The following TRNP1 variants were observed in gnomAD, a reference collection of about 807,000 sequenced individuals.
The protein encoded by TRNP1 is TMF1 regulated nuclear protein 1, also known as TMF-regulated nuclear protein 1.
Under a neutral mutation model 12.2 loss-of-function variants are expected in TRNP1, and 16 were observed. The observed-to-expected ratio is 1.31, with a 90% CI of 0.89 to 1.99. The LOEUF (loss-of-function observed/expected upper bound fraction) is 1.99, where lower values mean the gene tolerates loss of function less well. Ranked by LOEUF, TRNP1 falls within the 30% of genes most tolerant of loss-of-function variation. TRNP1 has a pLI of 0.00. For missense variants in TRNP1, 338 were observed against 330.4 expected, an observed-to-expected ratio of 1.02 and a Z score of -0.18; for synonymous variants, 139 against 166.2, an observed-to-expected ratio of 0.84 and a Z score of 1.26.
chr1:26,996,356 TG>T (rs2082545441), intron 1 of TRNP1, among the ~76,000 whole-genome samples: 1 of 152,216 alleles, frequency 6.6e-6, no homozygotes, highest in Non-Finnish European at 1.5e-5. Flanking sequence ...ACTTTTTGGC[TG>T]GTTTCTCGGC....
chr1:26,993,818 CG>C lies in TRNP1; in HGVS notation c.37del (p.Ala13ProfsTer30), dbSNP rs1343730353. On this transcript the variant is annotated frameshift_variant, in exon 1 of 2. Coordinates refer to ENST00000522111, the MANE Select transcript of TRNP1 (RefSeq NM_001013642.3). LOFTEE classifies it high-confidence loss of function. MPGCRISACGPGAQEGTAEQR... is the reference protein window; with the variant it reads MPGCRISACGXGAQEGTAEQR... ...GGCTGCCGCATCAGCGCCTGCGGCCCGGGGGCCCAGGAGGGGACGGCAGAGC... is the reference window on the plus strand; with the variant it reads ...GGCTGCCGCATCAGCGCCTGCGGCCCGGGGCCCAGGAGGGGACGGCAGAGC... 1.2e-5 allele frequency: 16 copies of C among 1,325,548 alleles called. No homozygotes were observed. The highest frequency in any genetic ancestry group is 5.9e-5 in the South Asian group (3 of 50,936). 82.1% of individuals were successfully genotyped at this position (1,325,548 alleles called of 1,614,324 possible). A position where few individuals can be genotyped will look rare whatever the true frequency, so the allele number is the denominator to read the frequency against.
intron 1 of TRNP1, among the ~76,000 whole-genome samples, chr1:26,998,945 C>A (rs936773105): frequency 6.6e-6 from 1 of 152,174 alleles, no homozygotes; most frequent in African/African-American, 2.4e-5. Flanking sequence ...TATCTGGGCT[C>A]CCACATTCAA....
chr1:26,998,567 C>G (rs1194569996), intron 1 of TRNP1, among the ~76,000 whole-genome samples: 2 of 152,272 alleles, frequency 1.3e-5, no homozygotes, highest in African/African-American at 4.8e-5. Context: ...GGCCTGCTGT[C>G]ATGAGAGCGG....
intron 1 of TRNP1, among the ~76,000 whole-genome samples, chr1:26,999,516 C>T (rs1220874932): frequency 6.6e-6 from 1 of 152,160 alleles, no homozygotes; most frequent in Non-Finnish European, 1.5e-5. Context: ...CCCCAGGCAG[C>T]GTGGGCCTCT....
chr1:26,993,941 C>A lies in TRNP1; in HGVS notation c.155C>A (p.Pro52Gln). 2 of 1,345,530 alleles carry A rather than the reference C, an allele frequency of 1.5e-6. No homozygotes were observed. The highest frequency in any genetic ancestry group is 1.9e-6 in the Non-Finnish European group (2 of 1,053,398). 83.3% of individuals were successfully genotyped at this position (1,345,530 alleles called of 1,614,324 possible). A position where few individuals can be genotyped will look rare whatever the true frequency, so the allele number is the denominator to read the frequency against. Residue 52 changes from proline (P) to glutamine (Q), a missense_variant, in exon 1 of 2, where the codon CCG becomes CAG. Pro to Gln is a moderately conservative substitution (Grantham distance 76, BLOSUM62 -1). Coordinates refer to ENST00000522111, the MANE Select transcript of TRNP1 (RefSeq NM_001013642.3). ...LTPTPTPGQS[P>Q]PLPDAAGASA... is the part of the protein sequence containing the mutation. ...CCTACCCCGACCCCGGGTCAGTCCC[C>A]GCCGCTGCCGGACGCAGCTGGGGCT...
At chr1:26,995,277 AC>A (rs370882377) in intron 1 of TRNP1, among the ~76,000 whole-genome samples, 90 of 152,274 alleles carry the variant, frequency 5.9e-4, no homozygotes, top group African/African-American at 2.1e-3. Context: ...TAGAGGCTTA[AC>A]TCCCAACCTG....
chr1:26,994,986 T>C lies in TRNP1; in HGVS notation c.*142+374T>C, dbSNP rs2082538373. Among the ~76,000 whole-genome samples the C allele has an allele frequency of 6.6e-6, 1 of 152,166 alleles. No homozygotes were observed. Among genetic ancestry groups the C allele is most frequent in the South Asian group, 2.1e-4 (1 of 4,822 alleles). On this transcript the variant is annotated intron_variant, in intron 1 of 1. Transcript: ENST00000522111. The surrounding 1 kb of genome is among the most constrained non-coding windows in gnomAD (Gnocchi z 6.9). ...ATGCTGCTTCCTGGCGCCGCCCAGCTCCGTGCCTTCGGGAGGACAGAATAA... is the reference window on the plus strand; with the variant it reads ...ATGCTGCTTCCTGGCGCCGCCCAGCCCCGTGCCTTCGGGAGGACAGAATAA...
rs1421707487 is a variant in TRNP1 at position 26,993,878 on chromosome 1, C to T, written c.92C>T (p.Pro31Leu). ...RSPPPPWDPM[P>L]SSQPPPPTPT... ...CCGCCGCCGCCCTGGGATCCCATGC[C>T]GTCCTCTCAGCCCCCGCCCCCAACT... The change falls in exon 1 of 2, where the codon CCG becomes CTG. Residue 31 changes from proline (P) to leucine (L), a missense_variant. Pro to Leu is a moderately conservative substitution (Grantham distance 98). Coordinates refer to ENST00000522111, the MANE Select transcript of TRNP1 (RefSeq NM_001013642.3). 6 of 1,373,944 alleles carry T rather than the reference C, an allele frequency of 4.4e-6. No homozygotes were observed. Among genetic ancestry groups the T allele is most frequent in the South Asian group, 1.7e-5 (1 of 58,366 alleles). The allele number at this position is 1,373,944 out of a possible 1,614,324, so 85.1% of individuals were successfully genotyped here.
Position 26,993,854 on chromosome 1 carries a change from C to T in TRNP1, c.68C>T (p.Pro23Leu). 4 of 1,356,442 alleles carry T rather than the reference C, an allele frequency of 2.9e-6. No homozygotes were observed. The highest frequency in any genetic ancestry group is 3.8e-6 in the Non-Finnish European group (4 of 1,062,000). 84.0% of individuals were successfully genotyped at this position (1,356,442 alleles called of 1,614,324 possible). The change falls in exon 1 of 2, where the codon CCG becomes CTG. Residue 23 changes from proline (P) to leucine (L), a missense_variant. Physicochemically the swap from Pro to Leu is moderately conservative, Grantham distance 98 (BLOSUM62 -3). Transcript: ENST00000522111. ...AQEGTAEQRSPPPPWDPMPSS... is the reference protein window; with the variant it reads ...AQEGTAEQRSLPPPWDPMPSS... Reference sequence around the variant, plus strand: ...GAGGGGACGGCAGAGCAGAGGTCGCCGCCGCCGCCCTGGGATCCCATGCCG... The same window carrying T: ...GAGGGGACGGCAGAGCAGAGGTCGCTGCCGCCGCCCTGGGATCCCATGCCG...
chr1:26,994,138 C>G lies in TRNP1; in HGVS notation c.352C>G (p.Arg118Gly). 1 of 1,247,880 alleles carries G rather than the reference C, an allele frequency of 8.0e-7. No homozygotes were observed. Among genetic ancestry groups the G allele is most frequent in the East Asian group, 3.4e-5 (1 of 29,324 alleles). 77.3% of individuals were successfully genotyped at this position (1,247,880 alleles called of 1,614,324 possible). Residue 118 changes from arginine (R) to glycine (G), a missense_variant, in exon 1 of 2, where the codon CGC becomes GGC. Arg to Gly is a moderately radical substitution (Grantham distance 125). Transcript: ENST00000522111. This position sits in a 1 kb window ranked among gnomAD's most constrained non-coding sequence, Gnocchi z 6.9. ...GCTGCTGGAGGTGGAGGGCCGCCGG[C>G]GCCTGGTGTCGGAGCTGGAGAGCCG... Reference protein sequence around the residue: ...RRLLEVEGRRRLVSELESRVL... With the variant: ...RRLLEVEGRRGLVSELESRVL...
chr1:26,999,585 A>G (rs907892504), intron 1 of TRNP1, among the ~76,000 whole-genome samples: 4 of 152,088 alleles, frequency 2.6e-5, no homozygotes, highest in Non-Finnish European at 5.9e-5. Flanking sequence ...GGAACTCCAT[A>G]AGGGGAGAAG....
In TRNP1 at chr1:26,994,602, A is replaced by AG; in HGVS notation, c.*134dup. ...CAGTTGGGGGCCAGGGGCCCAGTAGAGGAGGCTGAGGTGCGGTCTTAGCGG... is the reference window on the plus strand; with the variant it reads ...CAGTTGGGGGCCAGGGGCCCAGTAGAGGGAGGCTGAGGTGCGGTCTTAGCGG... On this transcript the variant is annotated 3_prime_UTR_variant, in exon 1 of 2. Coordinates refer to ENST00000522111, the MANE Select transcript of TRNP1 (RefSeq NM_001013642.3). The surrounding 1 kb of genome is among the most constrained non-coding windows in gnomAD (Gnocchi z 6.9). The AG allele has an allele frequency of 1.6e-6, 1 of 639,308 alleles. No homozygotes were observed. Among genetic ancestry groups the AG allele is most frequent in the Non-Finnish European group, 2.0e-6 (1 of 499,272 alleles). 39.6% of individuals were successfully genotyped at this position (639,308 alleles called of 1,614,324 possible).
intron 1 of TRNP1, among the ~76,000 whole-genome samples, chr1:26,996,407 A>AG (rs1166216536): frequency 2.0e-5 from 3 of 152,204 alleles, no homozygotes. Flanking sequence ...TAGCTGGGGA[A>AG]GGGAGGTTCA....
Position 26,994,098 on chromosome 1 carries a change from C to T in TRNP1, c.312C>T (p.Ala104=). Residue 104 remains alanine, a synonymous_variant, in exon 1 of 2, where the codon GCC becomes GCT. Transcript: ENST00000522111. This position sits in a 1 kb window ranked among gnomAD's most constrained non-coding sequence, Gnocchi z 6.9. ...CGGGGGGCCGCGCGCTGGAGCTGGC[C>T]GAAGCACGGCGGCGGCTGCTGGAGG... The part of the protein sequence containing the change: ...AGAGGRALEL[A]EARRRLLEVE... 8.2e-7 allele frequency: 1 copy of T among 1,217,976 alleles called. No individual in the cohort carries two copies. The highest frequency in any genetic ancestry group is 1.0e-6 in the Non-Finnish European group (1 of 980,424). 75.4% of individuals were successfully genotyped at this position (1,217,976 alleles called of 1,614,324 possible). A position where few individuals can be genotyped will look rare whatever the true frequency, so the allele number is the denominator to read the frequency against.
chr1:26,999,335 A>G (rs2082561087), intron 1 of TRNP1, among the ~76,000 whole-genome samples: 1 of 152,210 alleles, frequency 6.6e-6, no homozygotes, highest in Non-Finnish European at 1.5e-5. Flanking sequence ...GGTGAGCCGA[A>G]ATCGCGCCAG....
In TRNP1 at chr1:26,994,205, G is replaced by T. The variant is rs2124191362; in HGVS notation, c.419G>T (p.Arg140Leu). 2 of 1,287,792 alleles carry T rather than the reference G, an allele frequency of 1.6e-6. No homozygotes were observed. The allele number at this position is 1,287,792 out of a possible 1,614,324, so 79.8% of individuals were successfully genotyped here. The change falls in exon 1 of 2, where the codon CGC (arginine) becomes CTC (leucine). Residue 140 changes from arginine to leucine, a missense_variant. By Grantham distance (102) the Arg-to-Leu change is moderately radical. Transcript: ENST00000522111. The surrounding 1 kb of genome is among the most constrained non-coding windows in gnomAD (Gnocchi z 6.9). ...LHRVFLAAEL[R>L]LAHRAESLSR... ...CGCGTTTTCTTGGCGGCCGAGCTGC[G>T]CCTGGCGCACCGCGCGGAGAGCCTG... is the stretch of plus-strand genomic sequence containing the variant.
Position 26,993,930 on chromosome 1 carries a change from G to A in TRNP1, c.144G>A (p.Pro48=), listed in dbSNP as rs771391156. 5.2e-6 allele frequency: 7 copies of A among 1,357,870 alleles called. No individual in the cohort carries two copies. The highest frequency in any genetic ancestry group is 6.6e-6 in the Non-Finnish European group (7 of 1,061,286). The allele number at this position is 1,357,870 out of a possible 1,614,324, so 84.1% of individuals were successfully genotyped here. Residue 48 remains proline, a synonymous_variant, in exon 1 of 2, where the codon CCG becomes CCA. Coordinates refer to ENST00000522111, the MANE Select transcript of TRNP1 (RefSeq NM_001013642.3). ...CGACCTTGACTCCTACCCCGACCCC[G>A]GGTCAGTCCCCGCCGCTGCCGGACG... The part of the protein sequence containing the change: ...PTPTLTPTPT[P]GQSPPLPDAA...
In TRNP1 at chr1:27,000,851, C is replaced by T. The variant is rs919109744; in HGVS notation, c.*1147C>T. 6.6e-6 allele frequency: 1 copy of T among 152,306 alleles called. No individual in the cohort carries two copies. Among genetic ancestry groups the T allele is most frequent in the East Asian group, 1.9e-4 (1 of 5,198 alleles). The allele number at this position is 152,306 out of a possible 1,614,324, so 9.4% of individuals were successfully genotyped here. A position where few individuals can be genotyped will look rare whatever the true frequency, so the allele number is the denominator to read the frequency against. ...AGCCGCCTGCTCTTACCCCCCTCCT[C>T]AGGAAGTCTTCCTCATTAAAGGATG... is the stretch of plus-strand genomic sequence containing the variant. On this transcript the variant is annotated 3_prime_UTR_variant, in exon 2 of 2. Transcript: ENST00000522111.
chr1:26,997,551 T>C (rs990403983), intron 1 of TRNP1, among the ~76,000 whole-genome samples: 1 of 152,092 alleles, frequency 6.6e-6, no homozygotes, highest in African/African-American at 2.4e-5. Flanking sequence ...GACAGAAGGC[T>C]GACCCACCCC....
Sources: gnomAD v4.1 joint callset for allele counts (sites outside exome capture counted in the v4.1 genomes callset) on GRCh38, gnomAD v4.1.1 for gene constraint, Gnocchi (gnomAD v3.1) non-coding constraint, MANE v1.5 for transcripts, NCBI Gene and HGNC (gene_info 2026-07-23, HGNC 2026-07-21) for gene names.